Variants in PKHD1L1 observed in about 807,000 individuals in gnomAD.
PKHD1L1 encodes PKHD1 like 1.
A neutral mutation model predicts 462.9 loss-of-function variants in PKHD1L1; 434 were observed. The observed-to-expected ratio is 0.94, with a 90% CI of 0.87 to 1.02. PKHD1L1 has a LOEUF of 1.02. PKHD1L1 is among the 50% of genes least tolerant of loss of function. The pLI is 0.00. For missense variants in PKHD1L1, 5,202 were observed against 5,096.1 expected, an observed-to-expected ratio of 1.02 and a Z score of -0.63; for synonymous variants, 1,781 against 1,750.0, an observed-to-expected ratio of 1.02 and a Z score of -0.44.
At chr8:109,414,988 TA>T (rs1563751443) in intron 21 of PKHD1L1, among the ~76,000 whole-genome samples, 82 of 147,360 alleles carry the variant, frequency 5.6e-4, no homozygotes, top group African/African-American at 1.5e-3. Context: ...TTATTATTAT[TA>T]TTATTATTAT....
intron 74 of PKHD1L1, 28 bp downstream of exon 74, chr8:109,522,365 AT>A (rs575440352): frequency 1.7e-4 from 254 of 1,502,156 alleles, no homozygotes; most frequent in Middle Eastern, 1.6e-3. Context: ...GAAAAAATGC[AT>A]TTTTTGGGAC....
At position 109,483,057 on chromosome 8, in the gene PKHD1L1, A is replaced by G. The variant is rs763128284; in HGVS notation, c.9528A>G (p.Ala3176=). The G allele has an allele frequency of 6.2e-7, 1 of 1,601,702 alleles. No homozygotes were observed. The stretch of plus-strand genomic sequence containing the variant: ...ATAAAACTAAGCTCTCAGAAACTGC[A>G]TTTGCAGGTTCCAAAGTCCTGTCTC... ...SIYKTKLSET[A]FAGSKVLSLM... is the part of the protein sequence containing the mutation. Residue 3176 remains alanine, a synonymous_variant, in exon 57 of 78, where the codon GCA becomes GCG. Transcript: ENST00000378402.
intron 68 of PKHD1L1, among the ~76,000 whole-genome samples, chr8:109,506,291 A>G (rs903170325): frequency 6.6e-6 from 1 of 152,150 alleles, no homozygotes; most frequent in Admixed American, 6.5e-5. Context: ...GCTCTTAGCC[A>G]AATAGAACTA....
chr8:109,376,304 G>T (rs1001989878), intron 2 of PKHD1L1, among the ~76,000 whole-genome samples: 1 of 152,238 alleles, frequency 6.6e-6, no homozygotes, highest in African/African-American at 2.4e-5. Flanking sequence ...CGAGCCATGT[G>T]CAGGATATAA....
At chr8:109,498,941 C>T (rs1819263515) in intron 67 of PKHD1L1, 170 bp downstream of exon 67, 1 of 644,360 alleles carries the variant, frequency 1.6e-6, no homozygotes, top group Non-Finnish European at 2.6e-6. Context: ...AGAATGGTTT[C>T]TTGGCAGGAT....
In PKHD1L1 at chr8:109,497,026, T is replaced by C. The variant is rs746578671; in HGVS notation, c.10435T>C (p.Phe3479Leu). The change falls in exon 64 of 78, where the codon TTT (phenylalanine) becomes CTT (leucine). Residue 3479 changes from phenylalanine (F) to leucine (L), a missense_variant. By Grantham distance (22) the Phe-to-Leu change is conservative. Transcript: ENST00000378402. ...GLPGCSLIQG[F>L]TIWTCWDYGI... ...TCCTGGATGTTCTCTTATACAAGGATTTACCATTTGGACATGCTGGGATTA... is the reference window on the plus strand; with the variant it reads ...TCCTGGATGTTCTCTTATACAAGGACTTACCATTTGGACATGCTGGGATTA... 12 of 1,613,700 alleles carry C rather than the reference T, an allele frequency of 7.4e-6. No homozygotes were observed. Among genetic ancestry groups the C allele is most frequent in the Non-Finnish European group, 1.0e-5 (12 of 1,179,636 alleles).
At chr8:109,452,600 T>C (rs1324041740) in intron 42 of PKHD1L1, 118 bp from the exon 43 acceptor site, 4 of 496,522 alleles carry the variant, frequency 8.1e-6, no homozygotes, top group Non-Finnish European at 1.2e-5. Flanking sequence ...TTATTGTTTA[T>C]ATATATTTAC....
At chr8:109,441,188 T>C (rs1815768495) in intron 33 of PKHD1L1, 87 bp from the exon 34 acceptor site, 2 of 891,128 alleles carry the variant, frequency 2.2e-6, no homozygotes, top group Non-Finnish European at 3.3e-6. Context: ...TGGCTGTTGA[T>C]GAATTATGCT....
intron 22 of PKHD1L1, 140 bp from the exon 23 acceptor site, chr8:109,420,378 G>A (rs1411196614): frequency 1.9e-6 from 1 of 518,100 alleles, no homozygotes; most frequent in Non-Finnish European, 3.2e-6. Flanking sequence ...AATACTTCAT[G>A]ACAATGTTGA....
intron 46 of PKHD1L1, among the ~76,000 whole-genome samples, chr8:109,458,827 G>A (rs999100266): frequency 3.9e-4 from 60 of 152,212 alleles, no homozygotes; most frequent in African/African-American, 1.3e-3. Context: ...TGACACACTT[G>A]TCTCCTTAAA....
intron 51 of PKHD1L1, 28 bp downstream of exon 51, chr8:109,475,297 T>C (rs867955577): frequency 1.3e-6 from 2 of 1,528,808 alleles, no homozygotes; most frequent in Middle Eastern, 3.9e-4. Flanking sequence ...CTAATGATTA[T>C]AATTGTGTAT....
At chr8:109,424,033 A>T (rs1177429154) in intron 23 of PKHD1L1, among the ~76,000 whole-genome samples, 4 of 152,154 alleles carry the variant, frequency 2.6e-5, no homozygotes, top group Non-Finnish European at 5.9e-5. Context: ...ACATTTTTAC[A>T]AAGTAGATAC....
intron 29 of PKHD1L1, 104 bp from the exon 30 acceptor site, chr8:109,436,234 A>G: frequency 8.3e-7 from 1 of 1,204,812 alleles, no homozygotes; most frequent in Non-Finnish European, 1.2e-6. Flanking sequence ...CTCTTGGATC[A>G]TTAGACTATT....
chr8:109,378,633 G>A (rs761468474), intron 2 of PKHD1L1, among the ~76,000 whole-genome samples: 4 of 152,154 alleles, frequency 2.6e-5, no homozygotes, highest in Non-Finnish European at 4.4e-5. Context: ...AGTCATAAAT[G>A]CTGCAAAGTG....
chr8:109,436,286 T>C, intron 29 of PKHD1L1, 52 bp from the exon 30 acceptor site: 1 of 1,546,014 alleles, frequency 6.5e-7, no homozygotes, highest in South Asian at 1.2e-5. Flanking sequence ...ACATTTCTTT[T>C]TGTTATAGTT....
intron 68 of PKHD1L1, 145 bp downstream of exon 68, chr8:109,504,637 T>C: frequency 2.0e-6 from 1 of 508,992 alleles, no homozygotes. Context: ...ATTAAGACCA[T>C]TTAATAATGT....
At chr8:109,422,373 C>T (rs182630992) in intron 23 of PKHD1L1, among the ~76,000 whole-genome samples, 1 of 152,272 alleles carries the variant, frequency 6.6e-6, no homozygotes, top group Admixed American at 6.5e-5. Flanking sequence ...CGTTCCATTC[C>T]TCCTGCACTC....
At position 109,444,993 on chromosome 8, in the gene PKHD1L1, G is replaced by A. The variant is rs751720288; in HGVS notation, c.5124G>A (p.Thr1708=). The A allele has an allele frequency of 2.5e-5, 40 of 1,613,722 alleles. No individual in the cohort carries two copies. In the East Asian group the frequency reaches 5.8e-4, roughly 23 times the overall value. ...FPCKVLSVNY[T]AIECETSPAA... ...GTAAAGTTCTATCAGTGAATTATAC[G>A]GCCATTGAATGTGAAACATCCCCTG... is the stretch of plus-strand genomic sequence containing the variant. The change falls in exon 38 of 78, where the codon ACG becomes ACA. Residue 1708 remains threonine (T), a synonymous_variant. Coordinates refer to ENST00000378402, the MANE Select transcript of PKHD1L1 (RefSeq NM_177531.6).
At chr8:109,398,341 A>G in intron 11 of PKHD1L1, 118 bp from the exon 12 acceptor site, 1 of 650,426 alleles carries the variant, frequency 1.5e-6, no homozygotes, top group African/African-American at 1.9e-5. Context: ...AAAGAGCCCT[A>G]ATTTTGCCTC....
Sources: allele counts gnomAD v4.1 joint callset (sites outside exome capture counted in the v4.1 genomes callset), GRCh38; gene constraint gnomAD v4.1.1; transcripts MANE v1.5; gene names NCBI Gene and HGNC (gene_info 2026-07-23, HGNC 2026-07-21).